Variants in SPEG observed in about 807,000 individuals in gnomAD.
The protein encoded by SPEG is striated muscle preferentially expressed protein kinase.
SPEG carries 114 observed loss-of-function variants against 300.4 expected under a neutral mutation model. The observed-to-expected ratio is 0.38, with a 90% CI of 0.33 to 0.44. SPEG has a LOEUF of 0.44. SPEG is among the 20% of genes least tolerant of loss of function. The probability of loss-of-function intolerance (pLI) is 1.00; values close to 1 mark genes in which losing one functional copy is unlikely to be tolerated. For synonymous variants in SPEG, 1,964 were observed against 2,018.9 expected (o/e 0.97, Z 0.73); for missense variants, 4,201 against 4,586.2 (o/e 0.92, Z 2.43).
chr2:219,436,260 A>T (rs1954716392), intron 1 of SPEG, among the ~76,000 whole-genome samples: 1 of 152,234 alleles, frequency 6.6e-6, no homozygotes, highest in African/African-American at 2.4e-5. Context: ...CCCAGTGCTC[A>T]TGGTCCAGCT....
rs1575043695 is a variant in SPEG at position 219,444,708 on chromosome 2, G to C, written c.444G>C (p.Glu148Asp). The change falls in exon 2 of 41, where the codon GAG becomes GAC. Residue 148 changes from glutamate (E) to aspartate (D), a missense_variant. Glu to Asp is a conservative substitution (Grantham distance 45, BLOSUM62 2). This residue lies in a region of SPEG where 1,258 missense variants were observed against 1,293.9 expected (regional missense o/e 0.97). Transcript: ENST00000312358. The surrounding 1 kb of genome is among the most constrained non-coding windows in gnomAD (Gnocchi z 7.8). Reference protein sequence around the residue: ...ISDVQGTQRLELRDDGAFSTP... With the variant: ...ISDVQGTQRLDLRDDGAFSTP... ...ATGTGCAGGGAACCCAGCGCCTGGA[G>C]CTTCGGGATGACGGGGCCTTCAGCA... is the stretch of plus-strand genomic sequence containing the variant. 10 of 1,614,044 alleles carry C rather than the reference G, an allele frequency of 6.2e-6. No individual in the cohort carries two copies. The highest frequency in any genetic ancestry group is 7.6e-6 in the Non-Finnish European group (9 of 1,179,944).
At chr2:219,454,789 T>C (rs990039048) in intron 6 of SPEG, among the ~76,000 whole-genome samples, 1 of 152,014 alleles carries the variant, frequency 6.6e-6, no homozygotes, top group Non-Finnish European at 1.5e-5. Flanking sequence ...TAGTGTGGGG[T>C]GCAAATAAAA....
At chr2:219,461,279 G>A (rs1049484203) in intron 6 of SPEG, 49 of 985,916 alleles carry the variant, frequency 5.0e-5, no homozygotes, top group Admixed American at 6.1e-5. Context: ...GGGGGTGCAA[G>A]CTGTAGGGCT....
At chr2:219,466,824 A>G in intron 9 of SPEG, 4 of 1,067,332 alleles carry the variant, frequency 3.7e-6, no homozygotes, top group South Asian at 8.5e-5. Context: ...ATTTGGAAAC[A>G]CCTATTTCTT....
At position 219,448,516 on chromosome 2, in the gene SPEG, C is replaced by T; in HGVS notation, c.1358C>T (p.Ser453Leu). ...GCACCGTGGGGCACCCCCGGGGCCT[C>T]GCAGGAAGAACTGCGGGCGCCAGGC... Reference protein sequence around the residue: ...RGAPWGTPGASQEELRAPGSV... With the variant: ...RGAPWGTPGALQEELRAPGSV... The change falls in exon 4 of 41, where the codon TCG (serine) becomes TTG (leucine). Residue 453 changes from serine to leucine, a missense_variant. Ser to Leu is a moderately radical substitution (Grantham distance 145). This residue lies in a region of SPEG where 1,258 missense variants were observed against 1,293.9 expected (regional missense o/e 0.97). Coordinates refer to ENST00000312358, the MANE Select transcript of SPEG (RefSeq NM_005876.5). The T allele has an allele frequency of 1.4e-6, 2 of 1,448,694 alleles. No homozygotes were observed. The highest frequency in any genetic ancestry group is 1.8e-6 in the Non-Finnish European group (2 of 1,110,204). 89.7% of individuals were successfully genotyped at this position (1,448,694 alleles called of 1,614,324 possible). A position where few individuals can be genotyped will look rare whatever the true frequency, so the allele number is the denominator to read the frequency against.
rs1025249851 is a variant in SPEG at position 219,439,667 on chromosome 2, C to G, written c.388+4302C>G. Among the ~76,000 whole-genome samples, 1 of 152,108 alleles carries G rather than the reference C, an allele frequency of 6.6e-6. No individual in the cohort carries two copies. Among genetic ancestry groups the G allele is most frequent in the Non-Finnish European group, 1.5e-5 (1 of 68,014 alleles). The stretch of plus-strand genomic sequence containing the variant: ...GGCAATCTGGGGCCAGCTGGGGAGG[C>G]CCACCCAGAGAGCATGTTCCAGGCC... On this transcript the variant is annotated intron_variant, in intron 1 of 40. Coordinates refer to ENST00000312358, the MANE Select transcript of SPEG (RefSeq NM_005876.5). The surrounding 1 kb of genome is among the most constrained non-coding windows in gnomAD (Gnocchi z 4.5).
Position 219,462,055 on chromosome 2 carries a change from A to C in SPEG, c.2614A>C (p.Lys872Gln), listed in dbSNP as rs760779751. 1 of 1,600,034 alleles carries C rather than the reference A, an allele frequency of 6.2e-7. No homozygotes were observed. The highest frequency in any genetic ancestry group is 1.1e-5 in the South Asian group (1 of 89,328). Reference protein sequence around the residue: ...DTGSKAPPTFKVSLMDQSVRE... With the variant: ...DTGSKAPPTFQVSLMDQSVRE... ...TGGCTCCAAGGCACCCCCCACCTTC[A>C]AGGTCAGACCCCTGAGGCTGGGGCC... The change falls in exon 7 of 41, where the codon AAG (lysine) becomes CAG (glutamine). Residue 872 changes from lysine (K) to glutamine (Q), a missense_variant and splice_region_variant. By Grantham distance (53) the Lys-to-Gln change is moderately conservative. Transcript: ENST00000312358.
In SPEG at chr2:219,473,877, C is replaced by A; in HGVS notation, c.4421C>A (p.Thr1474Asn). The A allele has an allele frequency of 6.2e-7, 1 of 1,612,628 alleles. No homozygotes were observed. Among genetic ancestry groups the A allele is most frequent in the Non-Finnish European group, 8.5e-7 (1 of 1,179,570 alleles). ...GCCCGAAACCGTCACGGCACACAGA[C>A]CTGCTCGGTCACATTGGAGCTGGCA... ...CTARNRHGTQ[T>N]CSVTLELAEA... The change falls in exon 18 of 41, where the codon ACC (threonine) becomes AAC (asparagine). Residue 1474 changes from threonine to asparagine, a missense_variant. Thr to Asn is a moderately conservative substitution (Grantham distance 65). Transcript: ENST00000312358. This position sits in a 1 kb window ranked among gnomAD's most constrained non-coding sequence, Gnocchi z 4.6.
At position 219,481,341 on chromosome 2, in the gene SPEG, C is replaced by T. The variant is rs752525431; in HGVS notation, c.5407C>T (p.Arg1803Trp). ...GISPFVGEND[R>W]TTLMNIRNYN... is the part of the protein sequence containing the mutation. ...CTCCCCGTTTGTTGGGGAAAATGAC[C>T]GGACAACATTGATGAACATCCGAAA... Residue 1803 changes from arginine (R) to tryptophan (W), a missense_variant, in exon 27 of 41, where the codon CGG (arginine) becomes TGG (tryptophan). Coordinates refer to ENST00000312358, the MANE Select transcript of SPEG (RefSeq NM_005876.5). This position sits in a 1 kb window ranked among gnomAD's most constrained non-coding sequence, Gnocchi z 5.4. 7.4e-6 allele frequency: 12 copies of T among 1,614,034 alleles called. No individual in the cohort carries two copies. The highest frequency in any genetic ancestry group is 2.2e-5 in the East Asian group (1 of 44,896).
At chr2:219,435,934 G>A (rs1954707512) in intron 1 of SPEG, among the ~76,000 whole-genome samples, 1 of 152,234 alleles carries the variant, frequency 6.6e-6, no homozygotes, top group African/African-American at 2.4e-5. Flanking sequence ...GGTAGGAGGA[G>A]GTGGAGCCCG....
At position 219,448,183 on chromosome 2, in the gene SPEG, C is replaced by T. The variant is rs769110810; in HGVS notation, c.1025C>T (p.Pro342Leu). The change falls in exon 4 of 41, where the codon CCT becomes CTT. Residue 342 changes from proline (P) to leucine (L), a missense_variant. Pro to Leu is a moderately conservative substitution (Grantham distance 98). Around this residue, in one of 4 missense-constraint regions of SPEG, gnomAD observed 1,258 missense variants for 1,293.9 expected, o/e 0.97. Transcript: ENST00000312358. ...TCGCCCCACCGTCGCACTCAGGAGC[C>T]TGTGCTGCCCGAGGACACCACCACC... ...PTSPHRRTQE[P>L]VLPEDTTTEE... is the part of the protein sequence containing the mutation. The T allele has an allele frequency of 3.7e-6, 6 of 1,612,218 alleles. No homozygotes were observed. The South Asian group carries it at 5.5e-5, about 15-fold the overall frequency.
In SPEG at chr2:219,472,309, C is replaced by G; in HGVS notation, c.3918C>G (p.Pro1306=). The G allele has an allele frequency of 5.0e-6, 8 of 1,613,754 alleles. No individual in the cohort carries two copies. The highest frequency in any genetic ancestry group is 5.9e-6 in the Non-Finnish European group (7 of 1,179,982). ...TGGTCACACTCACATGGAACCCCCC[C>G]AGGAGTCTGGACATGGCCATCGGTG... The part of the protein sequence containing the change: ...GRMVTLTWNP[P]RSLDMAIDPD... Residue 1306 remains proline (P), a synonymous_variant, in exon 15 of 41, where the codon CCC becomes CCG. Transcript: ENST00000312358.
chr2:219,446,339 G>C (rs1026139518), intron 3 of SPEG, among the ~76,000 whole-genome samples: 11 of 152,176 alleles, frequency 7.2e-5, no homozygotes, highest in African/African-American at 2.7e-4. Flanking sequence ...CTATGGTACA[G>C]AGACTGGCCT....
At position 219,464,871 on chromosome 2, in the gene SPEG, C is replaced by T. The variant is rs1018107688; in HGVS notation, c.2881+263C>T. 2 of 457,622 alleles carry T rather than the reference C, an allele frequency of 4.4e-6. No homozygotes were observed. The highest frequency in any genetic ancestry group is 5.6e-5 in the South Asian group (2 of 35,782). The allele number at this position is 457,622 out of a possible 1,614,324, so 28.3% of individuals were successfully genotyped here. A position where few individuals can be genotyped will look rare whatever the true frequency, so the allele number is the denominator to read the frequency against. ...CTGTTGCTCCATCACGGAGCCCTGG[C>T]GGCAGCCAGAGACCCTGCACCTGCC... is the stretch of plus-strand genomic sequence containing the variant. On this transcript the variant is annotated intron_variant, in intron 9 of 40. Transcript: ENST00000312358. The surrounding 1 kb of genome is among the most constrained non-coding windows in gnomAD (Gnocchi z 4.5).
chr2:219,451,042 G>A lies in SPEG; in HGVS notation c.2114-94G>A, dbSNP rs1370754664. The stretch of plus-strand genomic sequence containing the variant: ...TCTAGAAGCCCCTCTGTCTGGGTTT[G>A]GCTTTCTAGGATGCAGGCCACCAGG... On this transcript the variant is annotated intron_variant, in intron 4 of 40. Transcript: ENST00000312358. The surrounding 1 kb of genome is among the most constrained non-coding windows in gnomAD (Gnocchi z 6.4). 4 of 1,344,374 alleles carry A rather than the reference G, an allele frequency of 3.0e-6. No homozygotes were observed. Among genetic ancestry groups the A allele is most frequent in the Non-Finnish European group, 4.0e-6 (4 of 1,008,804 alleles). 83.3% of individuals were successfully genotyped at this position (1,344,374 alleles called of 1,614,324 possible).
At chr2:219,461,741 C>T in intron 6 of SPEG, 141 bp from the exon 7 acceptor site, 1 of 982,026 alleles carries the variant, frequency 1.0e-6, no homozygotes, top group South Asian at 1.5e-5. Context: ...GGCGAGGTCG[C>T]AGGAGCCTGG....
rs1002453520 is a variant in SPEG at position 219,448,841 on chromosome 2, G to C, written c.1683G>C (p.Ala561=). Residue 561 remains alanine (A), a synonymous_variant, in exon 4 of 41, where the codon GCG becomes GCC. Coordinates refer to ENST00000312358, the MANE Select transcript of SPEG (RefSeq NM_005876.5). The part of the protein sequence containing the change: ...AAAQPPSPSS[A]EKPGDEPGRP... ...CCCAGCCGCCCTCTCCGAGCAGCGC[G>C]GAGAAGCCGGGGGACGAGCCTGGGA... is the stretch of plus-strand genomic sequence containing the variant. The C allele has an allele frequency of 7.1e-7, 1 of 1,400,650 alleles. No homozygotes were observed. The highest frequency in any genetic ancestry group is 9.2e-7 in the Non-Finnish European group (1 of 1,085,616). 86.8% of individuals were successfully genotyped at this position (1,400,650 alleles called of 1,614,324 possible). A position where few individuals can be genotyped will look rare whatever the true frequency, so the allele number is the denominator to read the frequency against.
intron 6 of SPEG, chr2:219,461,546 A>G: frequency 8.4e-7 from 1 of 1,184,754 alleles, no homozygotes; most frequent in Non-Finnish European, 1.0e-6. Flanking sequence ...AGTCCATGTC[A>G]GGAATGTGGG....
chr2:219,464,304 G>A lies in SPEG; in HGVS notation c.2706-129G>A, dbSNP rs1045899155. 2 of 1,038,938 alleles carry A rather than the reference G, an allele frequency of 1.9e-6. No homozygotes were observed. Among genetic ancestry groups the A allele is most frequent in the Non-Finnish European group, 2.8e-6 (2 of 720,540 alleles). The allele number at this position is 1,038,938 out of a possible 1,614,324, so 64.4% of individuals were successfully genotyped here. The stretch of plus-strand genomic sequence containing the variant: ...TGGAAACCAGGGATGCCCACGGTCA[G>A]TGGGACAGATCTGGGGACTGGGCAA... On this transcript the variant is annotated intron_variant, in intron 8 of 40. Transcript: ENST00000312358. This position sits in a 1 kb window ranked among gnomAD's most constrained non-coding sequence, Gnocchi z 4.5.
Sources: allele counts gnomAD v4.1 joint callset (sites outside exome capture counted in the v4.1 genomes callset), GRCh38; gene constraint gnomAD v4.1.1; regional missense constraint gnomAD v4.1.1; non-coding constraint Gnocchi (gnomAD v3.1); transcripts MANE v1.5; gene names NCBI Gene and HGNC (gene_info 2026-07-23, HGNC 2026-07-21).